Variants in CST11 observed in about 807,000 individuals in gnomAD.
The protein encoded by CST11 is cystatin-11.
Under a neutral mutation model 14.0 loss-of-function variants are expected in CST11, and 13 were observed. The ratio of observed to expected loss-of-function variants is 0.93; its 90% CI spans 0.60 to 1.47. The LOEUF is 1.47. Ranked by LOEUF, CST11 falls within the 40% of genes most tolerant of loss-of-function variation. The probability of loss-of-function intolerance (pLI) is 0.00; values close to 1 mark genes in which losing one functional copy is unlikely to be tolerated. For missense variants in CST11, 181 were observed against 160.0 expected, an observed-to-expected ratio of 1.13 and a Z score of -0.71; for synonymous variants, 64 against 57.8, an observed-to-expected ratio of 1.11 and a Z score of -0.48.
rs60224170 is a variant in CST11, at chr20:23,452,817, A to G, written c.-6T>C. The G allele has an allele frequency of 1.4e-3, 2,277 of 1,608,336 alleles. 35 individuals are homozygous for G. The African/African-American group carries it at 0.026, about 18-fold the overall frequency. On this transcript the variant is annotated 5_prime_UTR_variant, in exon 1 of 3. Transcript: ENST00000377009. The stretch of plus-strand genomic sequence containing the variant: ...TGCCAGGGCTCAGCCATCATCCTTC[A>G]GCTGCAGAGGAACAGGAAGAGTGTT...
chr20:23,451,813 T>C lies in CST11; in HGVS notation c.333+3A>G, dbSNP rs1390843826. ...TCTACGTTAAAGTGCTTTTACCCAATACCTTGTGAAGCTCCCTTTCCTGGG... is the reference window on the plus strand; with the variant it reads ...TCTACGTTAAAGTGCTTTTACCCAACACCTTGTGAAGCTCCCTTTCCTGGG... On this transcript the variant is annotated splice_donor_region_variant and intron_variant, in intron 2 of 2. Coordinates refer to ENST00000377009, the MANE Select transcript of CST11 (RefSeq NM_130794.2). 2 of 1,611,358 alleles carry C rather than the reference T, an allele frequency of 1.2e-6. No individual in the cohort carries two copies. Among genetic ancestry groups the C allele is most frequent in the Admixed American group, 1.7e-5 (1 of 59,992 alleles).
At position 23,452,553 on chromosome 20, in the gene CST11, C is replaced by T. The variant is rs1366471921; in HGVS notation, c.228+31G>A. The T allele has an allele frequency of 4.9e-6, 7 of 1,423,888 alleles. No homozygotes were observed. The East Asian group carries it at 6.8e-5, about 14-fold the overall frequency. The allele number at this position is 1,423,888 out of a possible 1,614,324, so 88.2% of individuals were successfully genotyped here. A position where few individuals can be genotyped will look rare whatever the true frequency, so the allele number is the denominator to read the frequency against. ...GGCCACCCGATGTGGGCGTATCAGG[C>T]CTGGGGAGAGGCGGGAAGTCATACA... On this transcript the variant is annotated intron_variant, in intron 1 of 2. Coordinates refer to ENST00000377009, the MANE Select transcript of CST11 (RefSeq NM_130794.2).
intron 1 of CST11, among the ~76,000 whole-genome samples, 162 bp downstream of exon 1, chr20:23,452,422 G>A (rs935411573): frequency 3.3e-5 from 5 of 152,166 alleles, no homozygotes; most frequent in African/African-American, 1.2e-4. Flanking sequence ...TTTTGTTTAA[G>A]TGCCTTAATT....
intron 2 of CST11, 40 bp from the exon 3 acceptor site, chr20:23,450,629 G>A (rs1471307649): frequency 5.3e-6 from 8 of 1,516,796 alleles, no homozygotes; most frequent in Non-Finnish European, 5.4e-6. Flanking sequence ...AAAGACGCCA[G>A]GTGAAATTTA....
chr20:23,451,450 C>T (rs1298140217), intron 2 of CST11, among the ~76,000 whole-genome samples: 1 of 152,204 alleles, frequency 6.6e-6, no homozygotes, highest in African/African-American at 2.4e-5. Flanking sequence ...CCAGCACTTG[C>T]GCGGCCTTGT....
intron 2 of CST11, among the ~76,000 whole-genome samples, chr20:23,451,202 T>G (rs1274457199): frequency 6.6e-6 from 1 of 152,220 alleles, no homozygotes; most frequent in Non-Finnish European, 1.5e-5. Context: ...TTGCTTCATT[T>G]CTTCATCCAT....
In CST11 at chr20:23,452,750, G is replaced by A. The variant is rs764644295; in HGVS notation, c.62C>T (p.Ala21Val). 23 of 1,614,004 alleles carry A rather than the reference G, an allele frequency of 1.4e-5. No individual in the cohort carries two copies. Among genetic ancestry groups the A allele is most frequent in the Non-Finnish European group, 1.9e-5 (22 of 1,180,020 alleles). ...TTTCTTCCTTGCTTGGTAGGGGAGG[G>A]CCATCAGAGTCAATAGAATGGCCAA... ...LLLAILLTLM[A>V]LPYQARKKTF... Residue 21 changes from alanine to valine, a missense_variant, in exon 1 of 3, where the codon GCC becomes GTC. Coordinates refer to ENST00000377009, the MANE Select transcript of CST11 (RefSeq NM_130794.2).
At chr20:23,450,683 G>A (rs1407392092) in intron 2 of CST11, 94 bp from the exon 3 acceptor site, 2 of 811,324 alleles carry the variant, frequency 2.5e-6, no homozygotes, top group Non-Finnish European at 3.9e-6. Flanking sequence ...TGGAGAAAAG[G>A]CTACCACCTC....
intron 2 of CST11, 28 bp downstream of exon 2, chr20:23,451,788 T>C: frequency 4.6e-6 from 7 of 1,529,764 alleles, no homozygotes; most frequent in Non-Finnish European, 6.3e-6. Flanking sequence ...AGGACTTCTG[T>C]CTACGTTAAA....
chr20:23,451,487 G>A (rs533551414), intron 2 of CST11, among the ~76,000 whole-genome samples: 119 of 152,300 alleles, frequency 7.8e-4, no homozygotes, highest in African/African-American at 2.8e-3. Flanking sequence ...TATTCAGTCA[G>A]CGCACCTGAC....
chr20:23,451,953 T>C (rs1343341884), intron 1 of CST11, 33 bp from the exon 2 acceptor site: 2 of 1,514,980 alleles, frequency 1.3e-6, no homozygotes, highest in African/African-American at 1.4e-5. Flanking sequence ...AGGCACAGCT[T>C]GTCCCCTTCT....
rs200290505 is a variant in CST11, at chr20:23,452,804, G to A, written c.8C>T (p.Ala3Val). 3.1e-6 allele frequency: 5 copies of A among 1,612,700 alleles called. No individual in the cohort carries two copies. Among genetic ancestry groups the A allele is most frequent in the Middle Eastern group, 1.6e-4 (1 of 6,080 alleles). Reference protein sequence around the residue: MMAEPWQALQLLL... With the variant: MMVEPWQALQLLL... ...GAGCTGTAGGGCCTGCCAGGGCTCAGCCATCATCCTTCAGCTGCAGAGGAA... is the reference window on the plus strand; with the variant it reads ...GAGCTGTAGGGCCTGCCAGGGCTCAACCATCATCCTTCAGCTGCAGAGGAA... The change falls in exon 1 of 3, where the codon GCT (alanine) becomes GTT (valine). Residue 3 changes from alanine (A) to valine (V), a missense_variant. Ala to Val is a moderately conservative substitution (Grantham distance 64). Coordinates refer to ENST00000377009, the MANE Select transcript of CST11 (RefSeq NM_130794.2).
chr20:23,451,476 G>T (rs925056929), intron 2 of CST11, among the ~76,000 whole-genome samples: 3 of 152,160 alleles, frequency 2.0e-5, no homozygotes, highest in African/African-American at 4.8e-5. Flanking sequence ...TGACTCTGAG[G>T]TATTCAGTCA....
intron 1 of CST11, 49 bp downstream of exon 1, chr20:23,452,535 C>G: frequency 8.2e-7 from 1 of 1,223,606 alleles, no homozygotes; most frequent in Admixed American, 1.7e-5. Flanking sequence ...AGTGGCCACC[C>G]GATGTGGGCG....
chr20:23,451,265 C>A (rs1409180536), intron 2 of CST11, among the ~76,000 whole-genome samples: 1 of 150,550 alleles, frequency 6.6e-6, no homozygotes, highest in Admixed American at 6.6e-5. Flanking sequence ...GGGATGAAGG[C>A]CTGTTGGAGC....
chr20:23,451,628 A>G (rs978368374), intron 2 of CST11, among the ~76,000 whole-genome samples, 188 bp downstream of exon 2: 2 of 152,120 alleles, frequency 1.3e-5, no homozygotes, highest in African/African-American at 4.8e-5. Flanking sequence ...CCTTCCAGCA[A>G]CAAAGGAGCA....
Position 23,452,853 on chromosome 20 carries a change from C to T in CST11, c.-42G>A. 6.6e-7 allele frequency: 1 copy of T among 1,505,692 alleles called. No homozygotes were observed. The highest frequency in any genetic ancestry group is 9.2e-7 in the Non-Finnish European group (1 of 1,092,644). The allele number at this position is 1,505,692 out of a possible 1,614,324, so 93.3% of individuals were successfully genotyped here. A position where few individuals can be genotyped will look rare whatever the true frequency, so the allele number is the denominator to read the frequency against. ...AACAGGAAGAGTGTTCTCTGTACTC[C>T]TCAGGGACAAGTCGAATCACACTGA... On this transcript the variant is annotated 5_prime_UTR_variant, in exon 1 of 3. Transcript: ENST00000377009.
intron 2 of CST11, 103 bp from the exon 3 acceptor site, chr20:23,450,692 T>A: frequency 1.5e-6 from 1 of 681,766 alleles, no homozygotes; most frequent in Non-Finnish European, 2.4e-6. Flanking sequence ...GGCTACCACC[T>A]CTCCACCCCT....
rs760153904 is a variant in CST11, at chr20:23,450,641, A to G, written c.334-52T>C. On this transcript the variant is annotated intron_variant, in intron 2 of 2. Coordinates refer to ENST00000377009, the MANE Select transcript of CST11 (RefSeq NM_130794.2). ...TTAAAAGACGCCAGGTGAAATTTAA[A>G]AGGAGAAGGAAGAGGATGTAAGACA... 4.3e-6 allele frequency: 6 copies of G among 1,388,306 alleles called. No homozygotes were observed. In the East Asian group the frequency reaches 1.2e-4, roughly 27 times the overall value. The allele number at this position is 1,388,306 out of a possible 1,614,324, so 86.0% of individuals were successfully genotyped here.
Sources: gnomAD v4.1 joint callset for allele counts (sites outside exome capture counted in the v4.1 genomes callset) on GRCh38, gnomAD v4.1.1 for gene constraint, MANE v1.5 for transcripts, NCBI Gene and HGNC (gene_info 2026-07-23, HGNC 2026-07-21) for gene names.